The following NOVA1 variants were observed in gnomAD, a reference collection of about 807,000 sequenced individuals.
NOVA1 encodes the protein NOVA alternative splicing regulator 1, also known as RNA-binding protein Nova-1.
NOVA1 carries 7 observed loss-of-function variants against 38.0 expected under a neutral mutation model. The observed-to-expected ratio is 0.18, with a 90% confidence interval of 0.10 to 0.35. The LOEUF (loss-of-function observed/expected upper bound fraction) is 0.35. Among genes scored for constraint, NOVA1 ranks in the 10% least tolerant of loss-of-function variants. NOVA1 has a pLI of 1.00. For missense variants in NOVA1, 460 were observed against 616.0 expected (o/e 0.75, Z 2.68); for synonymous variants, 270 against 232.5 (o/e 1.16, Z -1.47).
At chr14:26,537,737 A>C (rs1282317778) in intron 2 of NOVA1, among the ~76,000 whole-genome samples, 2 of 152,200 alleles carry the variant, frequency 1.3e-5, no homozygotes, top group East Asian at 1.9e-4. Flanking sequence ...GGCAATAAGT[A>C]AGTAATAAAT....
In NOVA1 at chr14:26,447,707, ACACTAG is replaced by A. The variant is rs1882191227; in HGVS notation, c.*246_*251del. The A allele has an allele frequency of 3.9e-6, 2 of 507,642 alleles. No individual in the cohort carries two copies. Among genetic ancestry groups the A allele is most frequent in the Non-Finnish European group, 7.0e-6 (2 of 286,006 alleles). The allele number at this position is 507,642 out of a possible 1,614,324, so 31.4% of individuals were successfully genotyped here. On this transcript the variant is annotated 3_prime_UTR_variant, in exon 5 of 5. Coordinates refer to ENST00000539517, the MANE Select transcript of NOVA1 (RefSeq NM_002515.3). ...TGGTAAAATGGCAGGCTTAAATCTT[ACACTAG>A]AAACACCTCTGACAAATATACACAA...
intron 2 of NOVA1, among the ~76,000 whole-genome samples, chr14:26,485,924 C>G (rs1206497382): frequency 6.6e-6 from 1 of 152,024 alleles, no homozygotes; most frequent in Non-Finnish European, 1.5e-5. Flanking sequence ...CTATGACAAT[C>G]TATAGCAATA....
At chr14:26,525,443 C>T (rs989434601) in intron 2 of NOVA1, among the ~76,000 whole-genome samples, 5 of 152,052 alleles carry the variant, frequency 3.3e-5, no homozygotes, top group Non-Finnish European at 7.4e-5. Context: ...ACAAGATTCA[C>T]AAAAGAACCT....
chr14:26,521,775 T>A (rs919348599), intron 2 of NOVA1, among the ~76,000 whole-genome samples: 4 of 152,212 alleles, frequency 2.6e-5, no homozygotes, highest in South Asian at 4.1e-4. Context: ...AAATATTTTA[T>A]GTTTTGCAGG....
chr14:26,468,374 T>C (rs1269975082), intron 4 of NOVA1, among the ~76,000 whole-genome samples: 1 of 151,192 alleles, frequency 6.6e-6, no homozygotes, highest in African/African-American at 2.4e-5. Flanking sequence ...CAGGGACGCA[T>C]ATTAGTCAAA....
intron 4 of NOVA1, among the ~76,000 whole-genome samples, chr14:26,464,644 C>A (rs372870191): frequency 6.6e-6 from 1 of 151,888 alleles, no homozygotes; most frequent in South Asian, 2.1e-4. Context: ...CTTGATATTT[C>A]TTTTATTAGC....
intron 2 of NOVA1, among the ~76,000 whole-genome samples, chr14:26,580,548 C>G (rs1345926006): frequency 6.6e-6 from 1 of 151,946 alleles, no homozygotes. Context: ...AACAAAAATA[C>G]CCACAAAGCT....
intron 3 of NOVA1, among the ~76,000 whole-genome samples, chr14:26,477,432 G>A (rs1203460843): frequency 1.3e-5 from 2 of 151,724 alleles, no homozygotes; most frequent in African/African-American, 4.8e-5. Flanking sequence ...TATATATAAG[G>A]CCATTGTGCT....
intron 2 of NOVA1, among the ~76,000 whole-genome samples, chr14:26,567,015 A>G (rs1383636059): frequency 1.3e-5 from 2 of 152,156 alleles, no homozygotes; most frequent in African/African-American, 4.8e-5. Flanking sequence ...ATGAGCACAT[A>G]AAAAACATGA....
At chr14:26,546,699 T>C (rs1890807935) in intron 2 of NOVA1, among the ~76,000 whole-genome samples, 1 of 152,198 alleles carries the variant, frequency 6.6e-6, no homozygotes, top group African/African-American at 2.4e-5. Context: ...TCTAAGTATT[T>C]ATCATTCATA....
At chr14:26,495,231 C>A (rs1384714699) in intron 2 of NOVA1, among the ~76,000 whole-genome samples, 1 of 152,158 alleles carries the variant, frequency 6.6e-6, no homozygotes, top group African/African-American at 2.4e-5. Flanking sequence ...TTCTTAACAG[C>A]CATAAACAGC....
intron 4 of NOVA1, among the ~76,000 whole-genome samples, chr14:26,457,164 A>T (rs1883250983): frequency 1.3e-5 from 2 of 150,080 alleles, no homozygotes; most frequent in Non-Finnish European, 3.0e-5. Context: ...ATTAGGCTGC[A>T]GAATAAATGA....
At position 26,447,170 on chromosome 14, in the gene NOVA1, A is replaced by G. The variant is rs1882146233; in HGVS notation, c.*789T>C. 1 of 152,660 alleles carries G rather than the reference A, an allele frequency of 6.6e-6. No individual in the cohort carries two copies. Among genetic ancestry groups the G allele is most frequent in the African/African-American group, 2.4e-5 (1 of 41,460 alleles). The allele number at this position is 152,660 out of a possible 1,614,324, so 9.5% of individuals were successfully genotyped here. On this transcript the variant is annotated 3_prime_UTR_variant, in exon 5 of 5. Transcript: ENST00000539517. ...TATGTGTCTAAACAGTGAGGATGTT[A>G]ATGGAGTAATGACTGTTCTACTGGC...
chr14:26,491,126 A>G (rs1886307482), intron 2 of NOVA1, among the ~76,000 whole-genome samples: 2 of 152,028 alleles, frequency 1.3e-5, no homozygotes, highest in Admixed American at 6.6e-5. Flanking sequence ...CTGGGATTAC[A>G]GGCGTGAGCC....
intron 2 of NOVA1, among the ~76,000 whole-genome samples, chr14:26,492,576 GTGGTAATCTATATTTTTCC>G (rs1245650873): frequency 1.3e-5 from 2 of 152,264 alleles, no homozygotes; most frequent in East Asian, 1.9e-4. Context: ...TTAATACACT[GTGGTAATCTATATTTTTCC>G]TGGTAATCTA....
chr14:26,547,515 T>C (rs1890862486), intron 2 of NOVA1, among the ~76,000 whole-genome samples: 1 of 152,146 alleles, frequency 6.6e-6, no homozygotes, highest in African/African-American at 2.4e-5. Context: ...TTGAATCAAG[T>C]AAGTTGCCAA....
intron 2 of NOVA1, among the ~76,000 whole-genome samples, chr14:26,561,225 G>A (rs1047598091): frequency 6.6e-6 from 1 of 152,172 alleles, no homozygotes; most frequent in Non-Finnish European, 1.5e-5. Flanking sequence ...CCACAGACCG[G>A]ACCAGAGCAG....
chr14:26,497,092 G>A (rs984047879), intron 2 of NOVA1, among the ~76,000 whole-genome samples: 1 of 152,112 alleles, frequency 6.6e-6, no homozygotes, highest in African/African-American at 2.4e-5. Flanking sequence ...AGCAACTTCT[G>A]CAAAGTCTCA....
At chr14:26,549,337 T>G (rs1235321919) in intron 2 of NOVA1, 3 of 151,782 alleles carry the variant, frequency 2.0e-5, no homozygotes, top group Non-Finnish European at 2.9e-5. Context: ...ACAAGTTTTT[T>G]TTTTTTTTTT....
Sources: allele counts gnomAD v4.1 joint callset (sites outside exome capture counted in the v4.1 genomes callset), GRCh38; gene constraint gnomAD v4.1.1; transcripts MANE v1.5; gene names NCBI Gene and HGNC (gene_info 2026-07-23, HGNC 2026-07-21).